Variants in EDNRB observed in about 807,000 individuals in gnomAD.
EDNRB encodes endothelin receptor type B, also known as Hirschsprung disease 2.
EDNRB carries 18 observed loss-of-function variants against 46.4 expected under a neutral mutation model. That is an observed-to-expected ratio of 0.39 (90% CI 0.27 to 0.57). The LOEUF is 0.57. Among genes scored for constraint, EDNRB ranks in the 20% least tolerant of loss-of-function variants. The pLI, the probability that EDNRB is intolerant of heterozygous loss-of-function variation, is 0.61. For missense variants in EDNRB, 434 were observed against 537.5 expected, an observed-to-expected ratio of 0.81 and a Z score of 1.90; for synonymous variants, 213 against 204.9, an observed-to-expected ratio of 1.04 and a Z score of -0.34.
At chr13:77,955,016 T>C (rs1177628926) in intron 1 of EDNRB, among the ~76,000 whole-genome samples, 4 of 152,228 alleles carry the variant, frequency 2.6e-5, no homozygotes, top group Non-Finnish European at 5.9e-5. Context: ...ATGGCAGTTC[T>C]ATTTTTAATT....
At chr13:77,969,917 A>G (rs1398114336) in intron 1 of EDNRB, among the ~76,000 whole-genome samples, 1 of 152,218 alleles carries the variant, frequency 6.6e-6, no homozygotes, top group Non-Finnish European at 1.5e-5. Flanking sequence ...AGAAGCCTGC[A>G]TGTATCTGAT....
intron 1 of EDNRB, among the ~76,000 whole-genome samples, chr13:77,961,027 C>T (rs1273237437): frequency 6.6e-6 from 1 of 152,104 alleles, no homozygotes; most frequent in Non-Finnish European, 1.5e-5. Context: ...AGTACAGGAG[C>T]ACCCAGATAC....
intron 1 of EDNRB, among the ~76,000 whole-genome samples, chr13:77,972,157 CATGACTT>C (rs1881754764): frequency 6.6e-6 from 1 of 152,186 alleles, no homozygotes; most frequent in African/African-American, 2.4e-5. Flanking sequence ...GAGAGCTTGG[CATGACTT>C]ATTACTTCAG....
chr13:77,959,434 C>T (rs181911185), intron 1 of EDNRB, among the ~76,000 whole-genome samples: 44 of 152,324 alleles, frequency 2.9e-4, no homozygotes, highest in African/African-American at 9.6e-4. Context: ...CAAACAGGGT[C>T]GGGAGTGGAC....
intron 1 of EDNRB, among the ~76,000 whole-genome samples, chr13:77,936,470 A>T (rs867900585): frequency 1.1e-4 from 16 of 152,150 alleles, no homozygotes; most frequent in African/African-American, 3.9e-4. Flanking sequence ...GGTAATGTGG[A>T]GTGGGTAGCC....
At chr13:77,917,983 C>T (rs1791915262) in intron 1 of EDNRB, 108 bp downstream of exon 1, 1 of 1,560,336 alleles carries the variant, frequency 6.4e-7, no homozygotes, top group South Asian at 1.1e-5. Flanking sequence ...GGGGCAGAAC[C>T]TTAAGAGGGA....
rs145064038 is a variant in EDNRB at position 77,909,683 on chromosome 13, C to A, written c.484-6076G>T. On this transcript the variant is annotated intron_variant, in intron 1 of 6. Coordinates refer to ENST00000646607, the MANE Select transcript of EDNRB (RefSeq NM_001122659.3). ...TTATAATGCCTAGTACAGTGATTGG[C>A]ACACAGTGGTCACTCATTCAATGTT... 1.6e-3 allele frequency among the ~76,000 whole-genome samples: 243 copies of A among 152,140 alleles called. 3 individuals carry two copies. Among genetic ancestry groups the A allele is most frequent in the Middle Eastern group, 6.8e-3 (2 of 294 alleles).
chr13:77,966,213 C>A (rs141084951), intron 1 of EDNRB, among the ~76,000 whole-genome samples: 34 of 152,184 alleles, frequency 2.2e-4, no homozygotes, highest in Admixed American at 1.5e-3. Context: ...CTTTCTAAGA[C>A]TCAGTAATAA....
intron 1 of EDNRB, among the ~76,000 whole-genome samples, chr13:77,971,737 A>G (rs954447832): frequency 2.0e-5 from 3 of 152,192 alleles, no homozygotes; most frequent in Admixed American, 1.3e-4. Flanking sequence ...TTGATCTGGT[A>G]TTCCTTGCAG....
At chr13:77,899,006 G>GT (rs1296115731) in intron 6 of EDNRB, among the ~76,000 whole-genome samples, 1 of 151,680 alleles carries the variant, frequency 6.6e-6, no homozygotes, top group Non-Finnish European at 1.5e-5. Context: ...TTTTCTTGAA[G>GT]TTTTTTTAAA....
rs945324255 is a variant in EDNRB, at chr13:77,903,395, C to T, written c.597-35G>A. ...AAAATAGAATTGTATTTTAAGCTGG[C>T]ATACCTTAGTTTTATTGAATTGCAC... On this transcript the variant is annotated intron_variant, in intron 2 of 6. Transcript: ENST00000646607. 13 of 1,611,960 alleles carry T rather than the reference C, an allele frequency of 8.1e-6. No homozygotes were observed. The African/African-American group carries it at 1.5e-4, about 18-fold the overall frequency.
chr13:77,925,535 G>A (rs1159673668), intron 1 of EDNRB, among the ~76,000 whole-genome samples: 1 of 152,200 alleles, frequency 6.6e-6, no homozygotes, highest in Non-Finnish European at 1.5e-5. Flanking sequence ...CCTAAGCCTT[G>A]GCACCTTCCA....
chr13:77,902,406 C>T (rs148549613), intron 3 of EDNRB, among the ~76,000 whole-genome samples: 1 of 151,986 alleles, frequency 6.6e-6, no homozygotes, highest in Non-Finnish European at 1.5e-5. Flanking sequence ...CATCTCCTTG[C>T]CCCTAGTTTC....
At chr13:77,948,079 C>T (rs1441867131) in intron 1 of EDNRB, among the ~76,000 whole-genome samples, 2 of 152,106 alleles carry the variant, frequency 1.3e-5, no homozygotes, top group Non-Finnish European at 1.5e-5. Context: ...TGGTGCCTTA[C>T]AAGTCATATT....
chr13:77,970,167 T>A (rs1881688228), intron 1 of EDNRB, among the ~76,000 whole-genome samples: 1 of 152,222 alleles, frequency 6.6e-6, no homozygotes, highest in Admixed American at 6.5e-5. Flanking sequence ...ATTGTATTTA[T>A]ACCCATACTT....
chr13:77,934,683 G>GT (rs945503289), intron 1 of EDNRB, among the ~76,000 whole-genome samples: 14 of 150,872 alleles, frequency 9.3e-5, no homozygotes, highest in Non-Finnish European at 1.6e-4. Context: ...TAGGAAAGGG[G>GT]GGGGGGGGCC....
chr13:77,962,055 G>A (rs867218868), intron 1 of EDNRB, among the ~76,000 whole-genome samples: 1 of 151,956 alleles, frequency 6.6e-6, no homozygotes. Flanking sequence ...TCCTGGACAC[G>A]TACACCCTCC....
intron 1 of EDNRB, among the ~76,000 whole-genome samples, chr13:77,953,482 G>A (rs1881149149): frequency 6.6e-6 from 1 of 152,104 alleles, no homozygotes; most frequent in Non-Finnish European, 1.5e-5. Context: ...CATGAAGAGA[G>A]AAGGATTAGC....
chr13:77,899,417 T>G (rs12720197), intron 6 of EDNRB: 2 of 56,380 alleles, frequency 3.5e-5, no homozygotes, highest in African/African-American at 2.6e-4. Flanking sequence ...AAACCTAAAC[T>G]ATTTTTTTTT....
Sources: allele counts gnomAD v4.1 joint callset (sites outside exome capture counted in the v4.1 genomes callset), GRCh38; gene constraint gnomAD v4.1.1; transcripts MANE v1.5; gene names NCBI Gene and HGNC (gene_info 2026-07-23, HGNC 2026-07-21).